Variants in ZNF737 observed in about 807,000 individuals in gnomAD.
The protein encoded by ZNF737 is zinc finger protein 737, also known as zinc finger protein 102 (Y3).
A neutral mutation model predicts 11.7 loss-of-function variants in ZNF737; 13 were observed. The observed-to-expected ratio is 1.11, with a 90% CI of 0.73 to 1.77. The LOEUF is 1.77. ZNF737 is among the 40% of genes most tolerant of loss of function. ZNF737 has a pLI of 0.00. For synonymous variants in ZNF737, 217 were observed against 216.2 expected (o/e 1.00, Z -0.03); for missense variants, 636 against 638.0 (o/e 1.00, Z 0.03).
At chr19:20,530,410 AC>A in the ZNF737 span, among the ~76,000 whole-genome samples, 1 of 134,236 alleles carries the variant, frequency 7.4e-6, no homozygotes, top group Non-Finnish European at 1.6e-5. Flanking sequence ...ACGGGGGCTG[AC>A]CCCCCACCTC....
chr19:20,546,293 C>T (rs1031610892), intron 3 of ZNF737, among the ~76,000 whole-genome samples: 2 of 152,136 alleles, frequency 1.3e-5, no homozygotes, highest in Non-Finnish European at 2.9e-5. Context: ...AATATTGTGC[C>T]TTTAAAAGTA....
intron 1 of ZNF737, among the ~76,000 whole-genome samples, chr19:20,554,043 C>A (rs1968794349): frequency 6.6e-6 from 1 of 152,146 alleles, no homozygotes; most frequent in East Asian, 1.9e-4. Flanking sequence ...AACATCAGTT[C>A]ATGTATTTTT....
intron 1 of ZNF737, among the ~76,000 whole-genome samples, chr19:20,559,060 T>A (rs1968989598): frequency 6.6e-6 from 1 of 152,148 alleles, no homozygotes; most frequent in Admixed American, 6.5e-5. Context: ...AATGTAAGCT[T>A]AAAATTATAA....
chr19:20,555,949 T>TG (rs1426773069), intron 1 of ZNF737, among the ~76,000 whole-genome samples: 1 of 152,132 alleles, frequency 6.6e-6, no homozygotes, highest in Admixed American at 6.6e-5. Context: ...CAAGTATACC[T>TG]GCTAGCATGA....
At chr19:20,554,862 CTTTTTTT>C (rs35282648) in intron 1 of ZNF737, among the ~76,000 whole-genome samples, 1 of 136,956 alleles carries the variant, frequency 7.3e-6, no homozygotes, top group Admixed American at 7.3e-5. Flanking sequence ...ATAAGCATTT[CTTTTTTT>C]TTTTTTTTTT....
At position 20,539,188 on chromosome 19, in the gene ZNF737, G is replaced by T; in HGVS notation, c.*5404C>A. On this transcript the variant is annotated 3_prime_UTR_variant, in exon 4 of 4. Transcript: ENST00000427401. ...GCCTGTTATCCCAGCTACTCAGGAG[G>T]CTGAGGCGGAAGAATCACTTGAACC... The T allele has an allele frequency of 7.7e-6, 5 of 650,922 alleles. No homozygotes were observed. Among genetic ancestry groups the T allele is most frequent in the Non-Finnish European group, 9.5e-6 (5 of 524,836 alleles). The allele number at this position is 650,922 out of a possible 1,614,324, so 40.3% of individuals were successfully genotyped here.
rs984378029 is a variant in ZNF737, at chr19:20,543,505, G to A, written c.*1087C>T. On this transcript the variant is annotated 3_prime_UTR_variant, in exon 4 of 4. Coordinates refer to ENST00000427401, the MANE Select transcript of ZNF737 (RefSeq NM_001159293.2). ...TTTTATGTTGAGTTAGATGTGAGTAGGAATTAATAGGTTTTCCATATTCCT... is the reference window on the plus strand; with the variant it reads ...TTTTATGTTGAGTTAGATGTGAGTAAGAATTAATAGGTTTTCCATATTCCT... 1.0e-6 allele frequency: 1 copy of A among 985,102 alleles called. No homozygotes were observed. Among genetic ancestry groups the A allele is most frequent in the Non-Finnish European group, 1.2e-6 (1 of 829,674 alleles). The allele number at this position is 985,102 out of a possible 1,614,324, so 61.0% of individuals were successfully genotyped here.
At chr19:20,561,300 T>C (rs1555762383) in intron 1 of ZNF737, among the ~76,000 whole-genome samples, 1 of 152,028 alleles carries the variant, frequency 6.6e-6, no homozygotes, top group East Asian at 1.9e-4. Context: ...GACTTGTGGG[T>C]TCTTGGCAAG....
In ZNF737 at chr19:20,544,542, G is replaced by T. The variant is rs781784788; in HGVS notation, c.*50C>A. 4.5e-6 allele frequency: 7 copies of T among 1,543,614 alleles called. No individual in the cohort carries two copies. Among genetic ancestry groups the T allele is most frequent in the Non-Finnish European group, 6.1e-6 (7 of 1,152,230 alleles). On this transcript the variant is annotated 3_prime_UTR_variant, in exon 4 of 4. Transcript: ENST00000427401. ...TTCCCTCCAATATGAATTTTCTTAT[G>T]TGAAAAAAGCATAGTGGGATAGCTT... is the stretch of plus-strand genomic sequence containing the variant.
chr19:20,546,758 C>T (rs1436402726), intron 3 of ZNF737, among the ~76,000 whole-genome samples: 1 of 152,150 alleles, frequency 6.6e-6, no homozygotes, highest in Non-Finnish European at 1.5e-5. Flanking sequence ...TGCATATCTA[C>T]AGTCCTAGAT....
intron 1 of ZNF737, among the ~76,000 whole-genome samples, chr19:20,559,131 A>T (rs1457961741): frequency 1.3e-5 from 2 of 152,232 alleles, no homozygotes; most frequent in Non-Finnish European, 2.9e-5. Context: ...CAAAGAATTC[A>T]TGAGGAAGCT....
intron 1 of ZNF737, among the ~76,000 whole-genome samples, chr19:20,558,118 A>C (rs1436884044): frequency 6.6e-6 from 1 of 151,740 alleles, no homozygotes; most frequent in Non-Finnish European, 1.5e-5. Flanking sequence ...AAAGATTAAA[A>C]AAAAGATATA....
chr19:20,535,475 A>G (rs1178107108), downstream of ZNF737, among the ~76,000 whole-genome samples: 3 of 152,066 alleles, frequency 2.0e-5, no homozygotes, highest in Non-Finnish European at 4.4e-5. Flanking sequence ...CATGAACCTG[A>G]AAGATATTAT....
chr19:20,532,097 A>T (rs1967844458), downstream of ZNF737, among the ~76,000 whole-genome samples: 1 of 150,298 alleles, frequency 6.7e-6, no homozygotes, highest in Non-Finnish European at 1.5e-5. Flanking sequence ...CATGTAACAC[A>T]TCTGTCCAGG....
At chr19:20,537,797 G>A (rs1285814447), downstream of ZNF737, among the ~76,000 whole-genome samples, 2 of 152,058 alleles carry the variant, frequency 1.3e-5, no homozygotes, top group Non-Finnish European at 2.9e-5. Context: ...TTACAGGCAT[G>A]AGCCACCGCA....
intron 3 of ZNF737, among the ~76,000 whole-genome samples, chr19:20,547,025 T>C (rs1968476819): frequency 6.6e-6 from 1 of 152,160 alleles, no homozygotes. Flanking sequence ...CTACAACATA[T>C]TCTTGCTCAG....
chr19:20,550,851 G>A (rs1968635695), intron 3 of ZNF737, among the ~76,000 whole-genome samples: 1 of 152,324 alleles, frequency 6.6e-6, no homozygotes, highest in South Asian at 2.1e-4. Context: ...TCTCATTCAC[G>A]TGGGAAACTA....
rs1968141482 is a variant in ZNF737, at chr19:20,540,108, TGGA to T, written c.*4481_*4483del. 1.0e-6 allele frequency: 1 copy of T among 985,198 alleles called. No homozygotes were observed. The highest frequency in any genetic ancestry group is 1.7e-5 in the African/African-American group (1 of 57,206). The allele number at this position is 985,198 out of a possible 1,614,324, so 61.0% of individuals were successfully genotyped here. On this transcript the variant is annotated 3_prime_UTR_variant, in exon 4 of 4. Coordinates refer to ENST00000427401, the MANE Select transcript of ZNF737 (RefSeq NM_001159293.2). The stretch of plus-strand genomic sequence containing the variant: ...CTTATGTTCCTTACTGGAAGCAACA[TGGA>T]GGAGGCAGAAATGATGGCAAGATAC...
At chr19:20,533,924 G>A (rs1364282521), downstream of ZNF737, among the ~76,000 whole-genome samples, 2 of 150,070 alleles carry the variant, frequency 1.3e-5, 1 homozygote, top group Non-Finnish European at 3.0e-5. Context: ...TGAGTGAATG[G>A]TGGTTCAAAA....
Sources: gnomAD v4.1 joint callset for allele counts (sites outside exome capture counted in the v4.1 genomes callset) on GRCh38, gnomAD v4.1.1 for gene constraint, MANE v1.5 for transcripts, NCBI Gene and HGNC (gene_info 2026-07-23, HGNC 2026-07-21) for gene names.